Variants in TECRL observed in about 807,000 individuals in gnomAD.
TECRL encodes trans-2,3-enoyl-CoA reductase like.
Under a neutral mutation model 52.8 loss-of-function variants are expected in TECRL, and 63 were observed. The ratio of observed to expected loss-of-function variants is 1.19; its 90% CI spans 0.97 to 1.47. The LOEUF is 1.47. Ranked by LOEUF, TECRL falls within the 40% of genes most tolerant of loss-of-function variation. The pLI, the probability that TECRL is intolerant of heterozygous loss-of-function variation, is 0.00. For synonymous variants in TECRL, 164 were observed against 141.9 expected (o/e 1.16, Z -1.10); for missense variants, 482 against 429.6 (o/e 1.12, Z -1.08).
chr4:64,398,079 A>G (rs201986956), intron 1 of TECRL, among the ~76,000 whole-genome samples: 13 of 151,634 alleles, frequency 8.6e-5, no homozygotes, highest in African/African-American at 3.1e-4. Context: ...TTCATTAAAC[A>G]TTATTTTATA....
chr4:64,363,388 G>T (rs11131529), intron 2 of TECRL, among the ~76,000 whole-genome samples: 136,646 of 152,038 alleles, frequency 0.9, 62,063 homozygotes, highest in East Asian at 1. Flanking sequence ...TCAACATAAA[G>T]TTAATTTACT....
chr4:64,333,911 C>A (rs1380582415), intron 2 of TECRL, among the ~76,000 whole-genome samples: 2 of 140,968 alleles, frequency 1.4e-5, no homozygotes, highest in Non-Finnish European at 3.1e-5. Context: ...GTAGTCCCAG[C>A]TACTCGGGAG....
intron 4 of TECRL, among the ~76,000 whole-genome samples, chr4:64,319,118 C>G (rs1577864092): frequency 6.6e-6 from 1 of 151,878 alleles, no homozygotes; most frequent in East Asian, 1.9e-4. Context: ...TCTGTAATCT[C>G]TTTGGTAACC....
intron 2 of TECRL, among the ~76,000 whole-genome samples, chr4:64,334,468 T>C (rs941324492): frequency 1.3e-5 from 2 of 152,186 alleles, no homozygotes; most frequent in Non-Finnish European, 2.9e-5. Context: ...TGATAGTGTT[T>C]ATCTATCTGA....
At chr4:64,277,621 A>G (rs1233034180), downstream of TECRL, 1 of 151,818 alleles carries the variant, frequency 6.6e-6, no homozygotes, top group African/African-American at 2.4e-5. Context: ...GCTTTACAAT[A>G]TATTGTCACA....
intron 2 of TECRL, among the ~76,000 whole-genome samples, chr4:64,355,827 T>A (rs1222089510): frequency 6.6e-6 from 1 of 151,078 alleles, no homozygotes; most frequent in Non-Finnish European, 1.5e-5. Context: ...AAACATTAAT[T>A]ATAAAAATAT....
intron 2 of TECRL, among the ~76,000 whole-genome samples, chr4:64,335,663 T>C (rs1399832045): frequency 6.6e-6 from 1 of 152,136 alleles, no homozygotes; most frequent in Non-Finnish European, 1.5e-5. Flanking sequence ...CAAATTCCAC[T>C]CCAAAGAGTC....
At chr4:64,408,309 A>G (rs1030761329) in intron 1 of TECRL, among the ~76,000 whole-genome samples, 3 of 151,948 alleles carry the variant, frequency 2.0e-5, no homozygotes, top group Admixed American at 2.0e-4. Context: ...TTTTTGTAAA[A>G]CAAGATCAAG....
chr4:64,345,921 A>AAAAAAAAAAAAAAAAAAAAAAAAAAAC, intron 2 of TECRL, among the ~76,000 whole-genome samples: 1 of 145,242 alleles, frequency 6.9e-6, no homozygotes, highest in Non-Finnish European at 1.5e-5. Context: ...AAAAAAAAAA[A>AAAAAAAAAAAAAAAAAAAAAAAAAAAC]AAAAAAAAAA....
At position 64,409,398 on chromosome 4, in the gene TECRL, C is replaced by T. The variant is rs773380078; in HGVS notation, c.-47G>A. ...CTGTCATGTCAAAAGTAGAAAATTG[C>T]AAGTGTGTTCCTTTTGCATCAGTTA... On this transcript the variant is annotated 5_prime_UTR_variant, in exon 1 of 12. Transcript: ENST00000381210. 17 of 1,591,844 alleles carry T rather than the reference C, an allele frequency of 1.1e-5. No individual in the cohort carries two copies. The African/African-American group carries it at 1.5e-4, about 14-fold the overall frequency.
intron 8 of TECRL, among the ~76,000 whole-genome samples, chr4:64,291,078 T>G (rs1723358240): frequency 6.6e-6 from 1 of 152,104 alleles, no homozygotes; most frequent in Non-Finnish European, 1.5e-5. Flanking sequence ...TGAACCTGCA[T>G]TCACATGCCA....
At chr4:64,389,523 T>C (rs1342795334) in intron 1 of TECRL, among the ~76,000 whole-genome samples, 1 of 151,974 alleles carries the variant, frequency 6.6e-6, no homozygotes, top group African/African-American at 2.4e-5. Flanking sequence ...TATGCTAATA[T>C]GTTGTTGAGA....
At chr4:64,373,808 A>G (rs1347963050) in intron 2 of TECRL, among the ~76,000 whole-genome samples, 1 of 151,308 alleles carries the variant, frequency 6.6e-6, no homozygotes. Flanking sequence ...GTGTAATGCC[A>G]CAAAGGTGGC....
chr4:64,387,113 T>C (rs1407338135), intron 1 of TECRL, among the ~76,000 whole-genome samples: 1 of 152,194 alleles, frequency 6.6e-6, no homozygotes, highest in African/African-American at 2.4e-5. Flanking sequence ...ACTAATCTTT[T>C]AGCTGTCATC....
intron 2 of TECRL, among the ~76,000 whole-genome samples, chr4:64,372,082 T>G (rs1722013413): frequency 6.6e-6 from 1 of 151,810 alleles, no homozygotes. Flanking sequence ...TAAAATAATG[T>G]ACAATTCCTC....
chr4:64,276,979 G>A, downstream of TECRL: 1 of 1,313,922 alleles, frequency 7.6e-7, no homozygotes, highest in South Asian at 1.3e-5. Context: ...TATACCTGTA[G>A]CATTAATATT....
intron 2 of TECRL, among the ~76,000 whole-genome samples, chr4:64,331,177 A>C (rs1349626667): frequency 6.6e-6 from 1 of 152,124 alleles, no homozygotes; most frequent in Non-Finnish European, 1.5e-5. Flanking sequence ...CCTCCAGTAC[A>C]GGTAAAATAT....
intron 3 of TECRL, among the ~76,000 whole-genome samples, 195 bp downstream of exon 3, chr4:64,328,313 CACAG>C (rs1718397971): frequency 6.6e-6 from 1 of 152,056 alleles, no homozygotes; most frequent in East Asian, 1.9e-4. Context: ...TTCTAAAACT[CACAG>C]ACAGTGAATA....
At chr4:64,288,987 C>A (rs548388864) in intron 9 of TECRL, among the ~76,000 whole-genome samples, 3 of 152,130 alleles carry the variant, frequency 2.0e-5, no homozygotes, top group African/African-American at 7.2e-5. Context: ...AGCATCTGGA[C>A]AACGTTTTGC....
Sources: gnomAD v4.1 joint callset for allele counts (sites outside exome capture counted in the v4.1 genomes callset) on GRCh38, gnomAD v4.1.1 for gene constraint, MANE v1.5 for transcripts, NCBI Gene and HGNC (gene_info 2026-07-23, HGNC 2026-07-21) for gene names.